Variants in CACNA1A observed in about 807,000 individuals in gnomAD.
CACNA1A encodes calcium voltage-gated channel subunit alpha1 A.
In CACNA1A, 57 loss-of-function variants were observed where a neutral mutation model predicts 262.4. That is an observed-to-expected ratio of 0.22 (90% CI 0.18 to 0.27). The LOEUF is 0.27. CACNA1A is among the 10% of genes least tolerant of loss of function. The pLI, the probability that CACNA1A is intolerant of heterozygous loss-of-function variation, is 1.00. For synonymous variants in CACNA1A, 1,431 were observed against 1,419.3 expected, an observed-to-expected ratio of 1.01 and a Z score of -0.18; for missense variants, 2,526 against 3,562.8, an observed-to-expected ratio of 0.71 and a Z score of 7.41.
chr19:13,469,742 G>A (rs1367157844), intron 1 of CACNA1A, among the ~76,000 whole-genome samples: 1 of 150,908 alleles, frequency 6.6e-6, no homozygotes, highest in African/African-American at 2.4e-5. Context: ...TACAGGTGTG[G>A]GCCACCGCGC....
At position 13,365,390 on chromosome 19, in the gene CACNA1A, G is replaced by A; in HGVS notation, c.711C>T (p.Ile237=). The A allele has an allele frequency of 6.2e-7, 1 of 1,613,252 alleles. No individual in the cohort carries two copies. Among genetic ancestry groups the A allele is most frequent in the Non-Finnish European group, 8.5e-7 (1 of 1,179,374 alleles). ...LQIGLLLFFA[I]LIFAIIGLEF... ...CTAACCCTATGATTGCAAAAATAAG[G>A]ATTGCAAAAAATAGGAGGAGGCCGA... Residue 237 remains isoleucine, a synonymous_variant, in exon 5 of 47, where the codon ATC becomes ATT. Coordinates refer to ENST00000360228, the MANE Select transcript of CACNA1A (RefSeq NM_001127222.2).
At chr19:13,461,754 GC>G (rs879562312) in intron 1 of CACNA1A, among the ~76,000 whole-genome samples, 26 of 152,294 alleles carry the variant, frequency 1.7e-4, no homozygotes, top group Admixed American at 2.6e-4. Context: ...TCCCTGATTG[GC>G]TCGGAGAGAA....
At chr19:13,309,165 C>CG (rs1784617393) in intron 12 of CACNA1A, among the ~76,000 whole-genome samples, 1 of 152,010 alleles carries the variant, frequency 6.6e-6, no homozygotes, top group Non-Finnish European at 1.5e-5. Context: ...CCCGCCACCA[C>CG]GCCCGGCTAA....
rs534432330 is a variant in CACNA1A at position 13,368,906 on chromosome 19, C to T, written c.631+2782G>A. On this transcript the variant is annotated intron_variant, in intron 4 of 46. Coordinates refer to ENST00000360228, the MANE Select transcript of CACNA1A (RefSeq NM_001127222.2). ...ACAAAAAATTAGCCGGGCGTGGTAGCGGGCGCCTGTAGTCCCAGCTACTCG... is the reference window on the plus strand; with the variant it reads ...ACAAAAAATTAGCCGGGCGTGGTAGTGGGCGCCTGTAGTCCCAGCTACTCG... Among the ~76,000 whole-genome samples the T allele has an allele frequency of 5.4e-4, 78 of 143,302 alleles. 12 individuals carry two copies. The highest frequency in any genetic ancestry group is 2.1e-3 in the African/African-American group (73 of 34,246). The allele number at this position is 143,302 out of a possible 152,430, so 94.0% of individuals were successfully genotyped here. A position where few individuals can be genotyped will look rare whatever the true frequency, so the allele number is the denominator to read the frequency against.
chr19:13,455,926 G>A (rs1454414379), intron 1 of CACNA1A, among the ~76,000 whole-genome samples: 2 of 150,734 alleles, frequency 1.3e-5, no homozygotes, highest in Non-Finnish European at 2.9e-5. Context: ...GCGGTGGGTG[G>A]ATCACTTGCG....
intron 3 of CACNA1A, among the ~76,000 whole-genome samples, chr19:13,409,710 G>C (rs2144731684): frequency 6.6e-6 from 1 of 152,138 alleles, no homozygotes; most frequent in Admixed American, 6.6e-5. Flanking sequence ...TACCTGGCTA[G>C]TTTTTGTATT....
chr19:13,392,039 A>AG (rs1187617195), intron 3 of CACNA1A, among the ~76,000 whole-genome samples: 1 of 150,940 alleles, frequency 6.6e-6, no homozygotes, highest in East Asian at 1.9e-4. Context: ...TCAAAAAAAA[A>AG]AAAAAAAAGA....
At chr19:13,263,524 C>CT (rs376610260) in intron 24 of CACNA1A, 4,047 of 143,422 alleles carry the variant, frequency 0.028, 162 homozygotes, top group African/African-American at 0.094. Flanking sequence ...CCTATGTATT[C>CT]TTTTTTTTTT....
At chr19:13,446,011 A>C (rs1286172173) in intron 3 of CACNA1A, among the ~76,000 whole-genome samples, 1 of 152,206 alleles carries the variant, frequency 6.6e-6, no homozygotes, top group African/African-American at 2.4e-5. Flanking sequence ...ACGGTGGCTC[A>C]TGCCTGTAAT....
intron 1 of CACNA1A, among the ~76,000 whole-genome samples, chr19:13,497,535 T>A (rs1437689538): frequency 3.5e-4 from 1 of 2,842 alleles, no homozygotes; most frequent in Non-Finnish European, 5.7e-4. Context: ...TATATATATA[T>A]ATATATATAT....
At chr19:13,230,578 A>AT (rs1568442166) in intron 35 of CACNA1A, among the ~76,000 whole-genome samples, 210 of 151,844 alleles carry the variant, frequency 1.4e-3, no homozygotes, top group African/African-American at 4.9e-3. Context: ...GCCGAGGTGG[A>AT]CAGATCACTT....
At chr19:13,278,484 G>A (rs554931910) in intron 22 of CACNA1A, among the ~76,000 whole-genome samples, 5 of 152,232 alleles carry the variant, frequency 3.3e-5, no homozygotes, top group African/African-American at 1.2e-4. Flanking sequence ...GGACTCCCCT[G>A]ACCGGCTGTT....
At chr19:13,354,193 C>T (rs955664545) in intron 6 of CACNA1A, among the ~76,000 whole-genome samples, 1 of 152,198 alleles carries the variant, frequency 6.6e-6, no homozygotes, top group Non-Finnish European at 1.5e-5. Flanking sequence ...TGGGAAGCCT[C>T]TGCGGTACAC....
chr19:13,295,984 T>C (rs1013426079), intron 19 of CACNA1A, among the ~76,000 whole-genome samples: 1 of 152,230 alleles, frequency 6.6e-6, no homozygotes, highest in African/African-American at 2.4e-5. Context: ...TGCTGGCAAC[T>C]CCCCTCATGT....
intron 38 of CACNA1A, among the ~76,000 whole-genome samples, chr19:13,219,640 A>C (rs568510976): frequency 5.6e-4 from 86 of 152,278 alleles, no homozygotes; most frequent in Non-Finnish European, 6.6e-4. Flanking sequence ...CCAGGCTATG[A>C]AGGGACTTTG....
At chr19:13,385,935 T>C (rs889110626) in intron 3 of CACNA1A, among the ~76,000 whole-genome samples, 9 of 151,852 alleles carry the variant, frequency 5.9e-5, no homozygotes, top group Non-Finnish European at 1.2e-4. Flanking sequence ...GGCAGGAGGA[T>C]TGTTTGAGCT....
At chr19:13,503,193 A>G (rs1982594731) in intron 1 of CACNA1A, among the ~76,000 whole-genome samples, 1 of 152,186 alleles carries the variant, frequency 6.6e-6, no homozygotes, top group African/African-American at 2.4e-5. Context: ...AGCCAGTGGC[A>G]AAAGAACGTA....
At chr19:13,463,498 T>G (rs1445998359) in intron 1 of CACNA1A, among the ~76,000 whole-genome samples, 2 of 152,110 alleles carry the variant, frequency 1.3e-5, no homozygotes, top group East Asian at 3.9e-4. Flanking sequence ...GCCCGGGATG[T>G]TTTCAGCACC....
At chr19:13,427,655 AC>A (rs1225223744) in intron 3 of CACNA1A, among the ~76,000 whole-genome samples, 4 of 152,008 alleles carry the variant, frequency 2.6e-5, no homozygotes, top group Non-Finnish European at 5.9e-5. Flanking sequence ...ATGAAAAACA[AC>A]CCTTTTAGGA....
Sources: gnomAD v4.1 joint callset for allele counts (sites outside exome capture counted in the v4.1 genomes callset) on GRCh38, gnomAD v4.1.1 for gene constraint, MANE v1.5 for transcripts, NCBI Gene and HGNC (gene_info 2026-07-23, HGNC 2026-07-21) for gene names.